The following FER variants were observed in gnomAD, a reference collection of about 807,000 sequenced individuals.
FER encodes tyrosine-protein kinase Fer.
Under a neutral mutation model 111.0 loss-of-function variants are expected in FER, and 63 were observed. The observed-to-expected ratio is 0.57, with a 90% CI of 0.46 to 0.70. The LOEUF is 0.70. FER is among the 30% of genes least tolerant of loss of function. The pLI is 0.00. For synonymous variants in FER, 327 were observed against 313.9 expected, an observed-to-expected ratio of 1.04 and a Z score of -0.44; for missense variants, 914 against 954.0, an observed-to-expected ratio of 0.96 and a Z score of 0.55.
chr5:109,085,493 G>A (rs1393763152), intron 16 of FER, among the ~76,000 whole-genome samples: 4 of 146,060 alleles, frequency 2.7e-5, no homozygotes, highest in African/African-American at 1.0e-4. Flanking sequence ...TATTTTCTGT[G>A]TACTCATAAT....
At chr5:108,853,518 TAAAG>T (rs1185432323) in intron 5 of FER, among the ~76,000 whole-genome samples, 1 of 152,164 alleles carries the variant, frequency 6.6e-6, no homozygotes, top group African/African-American at 2.4e-5. Context: ...AACATTTAAA[TAAAG>T]AATGAAGGAA....
At chr5:109,174,934 C>T (rs1260458794) in intron 17 of FER, among the ~76,000 whole-genome samples, 1 of 152,100 alleles carries the variant, frequency 6.6e-6, no homozygotes, top group Non-Finnish European at 1.5e-5. Context: ...GGCTTTGTGA[C>T]CTTGGGCAAG....
At chr5:108,947,445 G>A (rs1471093686) in intron 11 of FER, among the ~76,000 whole-genome samples, 1 of 151,966 alleles carries the variant, frequency 6.6e-6, no homozygotes, top group African/African-American at 2.4e-5. Context: ...TTTTCCTAAT[G>A]ACTAATGATG....
intron 13 of FER, among the ~76,000 whole-genome samples, chr5:108,990,635 A>G (rs1581537265): frequency 6.6e-6 from 1 of 151,858 alleles, no homozygotes; most frequent in East Asian, 1.9e-4. Flanking sequence ...ATTAATAGGA[A>G]TGCTATATTT....
intron 2 of FER, among the ~76,000 whole-genome samples, chr5:108,794,393 A>G (rs1364240454): frequency 1.3e-5 from 2 of 150,966 alleles, no homozygotes; most frequent in Non-Finnish European, 3.0e-5. Flanking sequence ...AATTTTTTGT[A>G]CTTTTAGTAG....
chr5:109,186,177 T>A, intron 18 of FER, 23 bp from the exon 19 acceptor site: 1 of 1,614,092 alleles, frequency 6.2e-7, no homozygotes, highest in South Asian at 1.1e-5. Flanking sequence ...CTCATGTGGT[T>A]ATGGTTGTTG....
intron 3 of FER, among the ~76,000 whole-genome samples, chr5:108,808,897 A>G (rs1396251508): frequency 6.6e-6 from 1 of 152,218 alleles, no homozygotes; most frequent in Non-Finnish European, 1.5e-5. Context: ...TTTCTTAAAG[A>G]TGGCTGAAAG....
chr5:109,099,155 T>C (rs558809095), intron 16 of FER, among the ~76,000 whole-genome samples: 1 of 151,666 alleles, frequency 6.6e-6, no homozygotes, highest in Non-Finnish European at 1.5e-5. Context: ...AGAACGTATA[T>C]TTTAATATAC....
At chr5:109,090,308 A>C (rs1778026703) in intron 16 of FER, among the ~76,000 whole-genome samples, 1 of 152,218 alleles carries the variant, frequency 6.6e-6, no homozygotes, top group East Asian at 1.9e-4. Flanking sequence ...CCCCAAAAAG[A>C]GTTCAGAGAT....
At chr5:108,816,828 C>G (rs1311819619) in intron 3 of FER, among the ~76,000 whole-genome samples, 1 of 152,044 alleles carries the variant, frequency 6.6e-6, no homozygotes, top group Non-Finnish European at 1.5e-5. Flanking sequence ...TTTGACTGGG[C>G]ATGGTGGCTC....
chr5:108,900,292 G>A (rs1469778603), intron 10 of FER, among the ~76,000 whole-genome samples: 3 of 152,144 alleles, frequency 2.0e-5, no homozygotes, highest in Non-Finnish European at 4.4e-5. Context: ...ACATCTACAT[G>A]TGTCAGTGAA....
intron 18 of FER, among the ~76,000 whole-genome samples, chr5:109,185,469 G>A (rs1334386783): frequency 6.6e-6 from 1 of 152,164 alleles, no homozygotes; most frequent in Non-Finnish European, 1.5e-5. Context: ...TAATTTTAAT[G>A]GAAAGAAAAC....
intron 17 of FER, among the ~76,000 whole-genome samples, chr5:109,140,468 G>A (rs1045976003): frequency 4.6e-5 from 7 of 152,128 alleles, no homozygotes; most frequent in East Asian, 1.9e-4. Context: ...GTTGCTATGA[G>A]CCCGTGAAAT....
At chr5:109,098,300 CA>C (rs930595074) in intron 16 of FER, among the ~76,000 whole-genome samples, 10 of 151,552 alleles carry the variant, frequency 6.6e-5, no homozygotes, top group African/African-American at 9.7e-5. Flanking sequence ...TGTTGAATAA[CA>C]AATGTGTGTT....
At chr5:108,830,404 A>C (rs1759915666) in intron 3 of FER, among the ~76,000 whole-genome samples, 1 of 152,132 alleles carries the variant, frequency 6.6e-6, no homozygotes, top group Non-Finnish European at 1.5e-5. Flanking sequence ...TAGTGAGTGG[A>C]GATTGCGTGA....
chr5:108,790,610 T>C (rs1265419124), intron 2 of FER, among the ~76,000 whole-genome samples: 1 of 152,256 alleles, frequency 6.6e-6, no homozygotes, highest in African/African-American at 2.4e-5. Context: ...AACTGATCTT[T>C]AGATAATTAT....
intron 16 of FER, among the ~76,000 whole-genome samples, chr5:109,053,792 G>A (rs1381175349): frequency 2.0e-5 from 3 of 147,820 alleles, no homozygotes; most frequent in Non-Finnish European, 4.4e-5. Flanking sequence ...CTGGGTTCAC[G>A]CCATTCTCCT....
intron 16 of FER, among the ~76,000 whole-genome samples, chr5:109,059,051 A>G (rs1774035045): frequency 6.6e-6 from 1 of 151,686 alleles, no homozygotes; most frequent in Admixed American, 6.6e-5. Flanking sequence ...ATTTTATGCT[A>G]TTTTCAAGTT....
intron 9 of FER, among the ~76,000 whole-genome samples, chr5:108,886,576 T>A (rs998999866): frequency 1.3e-5 from 2 of 151,586 alleles, no homozygotes; most frequent in African/African-American, 4.8e-5. Flanking sequence ...TTACTTACAA[T>A]CACATACATA....
Sources: gnomAD v4.1 joint callset for allele counts (sites outside exome capture counted in the v4.1 genomes callset) on GRCh38, gnomAD v4.1.1 for gene constraint, MANE v1.5 for transcripts, NCBI Gene and HGNC (gene_info 2026-07-23, HGNC 2026-07-21) for gene names.